The following HRH2 variants were observed in gnomAD, a reference collection of about 807,000 sequenced individuals.
HRH2 encodes histamine H2 receptor.
In HRH2, 4 loss-of-function variants were observed where a neutral mutation model predicts 20.1. The ratio of observed to expected loss-of-function variants is 0.20; its 90% CI spans 0.10 to 0.45. HRH2 has a LOEUF of 0.45. HRH2 is among the 20% of genes least tolerant of loss of function. HRH2 has a pLI of 0.99. For missense variants in HRH2, 250 were observed against 461.6 expected (o/e 0.54, Z 4.20); for synonymous variants, 197 against 200.7 (o/e 0.98, Z 0.16).
In HRH2 at chr5:175,684,265, G is replaced by A; in HGVS notation, c.1032G>A (p.Val344=). Residue 344 remains valine, a synonymous_variant, in exon 2 of 3, where the codon GTG becomes GTA. Coordinates refer to ENST00000636584, the MANE Select transcript of HRH2 (RefSeq NM_001367711.1). The part of the protein sequence containing the change: ...QQEEKPLKLQ[V]WSGTEVTAPQ... ...AAGAGAAACCCCTGAAGCTCCAGGT[G>A]TGGAGTGGGACAGAAGTCACGGCCC... 1 of 1,614,190 alleles carries A rather than the reference G, an allele frequency of 6.2e-7. No individual in the cohort carries two copies. The highest frequency in any genetic ancestry group is 8.5e-7 in the Non-Finnish European group (1 of 1,180,022).
intron 2 of HRH2, among the ~76,000 whole-genome samples, chr5:175,699,767 G>C (rs938112097): frequency 3.9e-5 from 6 of 152,132 alleles, no homozygotes; most frequent in African/African-American, 1.4e-4. Context: ...TAGAGACAGG[G>C]TTTCACCGTG....
In HRH2 at chr5:175,708,194, T is replaced by C. The variant is rs1757004157; in HGVS notation, c.*223T>C. ...CACGCAAGACTCCTCTGGGCCCGAG[T>C]GGGCTGAATCCCATGGGTTCAAAGC... On this transcript the variant is annotated 3_prime_UTR_variant, in exon 3 of 3. Coordinates refer to ENST00000636584, the MANE Select transcript of HRH2 (RefSeq NM_001367711.1). The C allele has an allele frequency of 1.3e-5, 5 of 374,284 alleles. No homozygotes were observed. Among genetic ancestry groups the C allele is most frequent in the Non-Finnish European group, 1.9e-5 (4 of 211,182 alleles). The allele number at this position is 374,284 out of a possible 1,614,324, so 23.2% of individuals were successfully genotyped here.
At chr5:175,667,850 T>C (rs748358016) in intron 1 of HRH2, among the ~76,000 whole-genome samples, 13 of 152,312 alleles carry the variant, frequency 8.5e-5, no homozygotes, top group Middle Eastern at 6.8e-3. Flanking sequence ...ATATTTCTAA[T>C]TGGGCAGAGT....
chr5:175,665,707 C>G (rs941360134), intron 1 of HRH2, among the ~76,000 whole-genome samples: 1 of 152,218 alleles, frequency 6.6e-6, no homozygotes, highest in Non-Finnish European at 1.5e-5. Context: ...AGGCAGATTC[C>G]CCCAAACAAT....
chr5:175,702,637 C>T (rs189821422), intron 2 of HRH2, among the ~76,000 whole-genome samples: 29 of 148,458 alleles, frequency 2.0e-4, no homozygotes, highest in Admixed American at 4.7e-4. Context: ...CTGAAAGCTC[C>T]GCCTCCCAAG....
intron 1 of HRH2, among the ~76,000 whole-genome samples, chr5:175,671,599 C>T (rs1308343042): frequency 6.6e-6 from 1 of 152,044 alleles, no homozygotes; most frequent in Non-Finnish European, 1.5e-5. Context: ...CAGAGACACA[C>T]AAAAAACTTT....
chr5:175,694,992 G>A (rs1259017794), intron 2 of HRH2, among the ~76,000 whole-genome samples: 1 of 152,004 alleles, frequency 6.6e-6, no homozygotes, highest in Non-Finnish European at 1.5e-5. Context: ...TTTCTGTTTG[G>A]GACTTCAGAA....
chr5:175,667,019 T>C (rs918179546), intron 1 of HRH2, among the ~76,000 whole-genome samples: 3 of 151,466 alleles, frequency 2.0e-5, no homozygotes, highest in African/African-American at 7.3e-5. Context: ...AATAAAGGCA[T>C]ATATATATAT....
At chr5:175,684,838 C>T (rs1756113540) in intron 2 of HRH2, among the ~76,000 whole-genome samples, 1 of 151,904 alleles carries the variant, frequency 6.6e-6, no homozygotes, top group Non-Finnish European at 1.5e-5. Flanking sequence ...GGGAAAGAGG[C>T]CAGTGGAGTC....
intron 1 of HRH2, among the ~76,000 whole-genome samples, chr5:175,660,508 G>A (rs1762708682): frequency 6.6e-6 from 1 of 152,204 alleles, no homozygotes; most frequent in Non-Finnish European, 1.5e-5. Flanking sequence ...AAGACTGGAA[G>A]GAAATAGGCT....
chr5:175,672,307 C>T (rs112575975), intron 1 of HRH2, among the ~76,000 whole-genome samples: 64 of 152,224 alleles, frequency 4.2e-4, no homozygotes, highest in Non-Finnish European at 7.6e-4. Flanking sequence ...AAAACATTGG[C>T]GATCCACATC....
chr5:175,684,341 G>T, intron 2 of HRH2, 32 bp downstream of exon 2: 6 of 1,599,388 alleles, frequency 3.8e-6, no homozygotes, highest in Non-Finnish European at 5.1e-6. Context: ...GCACAGGATG[G>T]GGGCAATGGG....
chr5:175,673,709 GTT>G (rs1261033568), intron 1 of HRH2, among the ~76,000 whole-genome samples: 4 of 132,972 alleles, frequency 3.0e-5, no homozygotes, highest in Non-Finnish European at 4.9e-5. Context: ...TTTTTTTTTT[GTT>G]TTTTTTTTTT....
At position 175,672,902 on chromosome 5, in the gene HRH2, A is replaced by G. The variant is rs561966265; in HGVS notation, c.-525-9807A>G. 4.2e-4 allele frequency among the ~76,000 whole-genome samples: 64 copies of G among 152,350 alleles called. 1 individual carries two copies. Among genetic ancestry groups the G allele is most frequent in the African/African-American group, 1.4e-3 (58 of 41,586 alleles). On this transcript the variant is annotated intron_variant, in intron 1 of 2. Coordinates refer to ENST00000636584, the MANE Select transcript of HRH2 (RefSeq NM_001367711.1). ...AGACGGGAATGTCCAGGTCATCAGC[A>G]GGTCACAGACCAAGCTCTGGGGAGG...
At chr5:175,701,850 C>T (rs1023732949) in intron 2 of HRH2, among the ~76,000 whole-genome samples, 2 of 152,148 alleles carry the variant, frequency 1.3e-5, no homozygotes, top group Admixed American at 1.3e-4. Context: ...GCAGATATCG[C>T]GTTATACACA....
chr5:175,695,382 C>T (rs1423845277), intron 2 of HRH2, among the ~76,000 whole-genome samples: 3 of 152,134 alleles, frequency 2.0e-5, no homozygotes, highest in African/African-American at 7.2e-5. Context: ...AATATAGAGG[C>T]TGGAGAACAG....
At chr5:175,698,261 C>T (rs1475115435) in intron 2 of HRH2, among the ~76,000 whole-genome samples, 1 of 152,344 alleles carries the variant, frequency 6.6e-6, no homozygotes, top group East Asian at 1.9e-4. Flanking sequence ...AGATCATCTC[C>T]GTATCCCTCG....
chr5:175,676,671 T>C (rs1322295393), intron 1 of HRH2, among the ~76,000 whole-genome samples: 2 of 152,252 alleles, frequency 1.3e-5, no homozygotes, highest in Admixed American at 1.3e-4. Flanking sequence ...TCAAGGCTTA[T>C]CATATCTATC....
intron 1 of HRH2, among the ~76,000 whole-genome samples, chr5:175,660,910 C>A (rs1452671489): frequency 6.6e-6 from 1 of 151,664 alleles, no homozygotes; most frequent in Non-Finnish European, 1.5e-5. Flanking sequence ...TCCTCCCCTG[C>A]TCAAAAATAT....
Sources: gnomAD v4.1 joint callset for allele counts (sites outside exome capture counted in the v4.1 genomes callset) on GRCh38, gnomAD v4.1.1 for gene constraint, MANE v1.5 for transcripts, NCBI Gene and HGNC (gene_info 2026-07-23, HGNC 2026-07-21) for gene names.